ITPK1: variants seen among roughly 807,000 people sequenced by gnomAD.
ITPK1 encodes the protein inositol 1,3,4-trisphosphate 5/6-kinase.
ITPK1 carries 21 observed loss-of-function variants against 45.3 expected under a neutral mutation model. That is an observed-to-expected ratio of 0.46 (90% CI 0.33 to 0.67). ITPK1 has a LOEUF of 0.67. Ranked by LOEUF, ITPK1 falls within the 30% of genes least tolerant of loss-of-function variation. ITPK1 has a pLI of 0.02. For synonymous variants in ITPK1, 258 were observed against 253.6 expected (o/e 1.02, Z -0.16); for missense variants, 474 against 573.5 (o/e 0.83, Z 1.77).
In ITPK1 at chr14:93,068,448, G is replaced by C. The variant is rs573846450; in HGVS notation, c.120+8147C>G. 2.0e-5 allele frequency: 3 copies of C among 152,476 alleles called. No individual in the cohort carries two copies. The East Asian group carries it at 5.8e-4, about 29-fold the overall frequency. 9.4% of individuals were successfully genotyped at this position (152,476 alleles called of 1,614,324 possible). A position where few individuals can be genotyped will look rare whatever the true frequency, so the allele number is the denominator to read the frequency against. On this transcript the variant is annotated intron_variant, in intron 3 of 10. Transcript: ENST00000267615. ...TTCAGAAAGCCACTGCCCAGGATAT[G>C]GGTGGACCGCAAGTCTACCATGGGC...
At chr14:93,105,675 C>CCACCA (rs1892491967) in intron 2 of ITPK1, among the ~76,000 whole-genome samples, 1 of 151,378 alleles carries the variant, frequency 6.6e-6, no homozygotes, top group South Asian at 2.1e-4. Context: ...CAGGCACCCA[C>CCACCA]CACCACGCCT....
chr14:93,056,984 C>G (rs1890237366), intron 3 of ITPK1, among the ~76,000 whole-genome samples: 1 of 152,224 alleles, frequency 6.6e-6, no homozygotes, highest in African/African-American at 2.4e-5. Flanking sequence ...AAACTGGGTG[C>G]TGCTGGGAGA....
chr14:92,961,189 G>A (rs1166326874), intron 7 of ITPK1, among the ~76,000 whole-genome samples: 9 of 152,234 alleles, frequency 5.9e-5, no homozygotes, highest in Non-Finnish European at 1.2e-4. Flanking sequence ...CTGTTGCCCA[G>A]CATACCCCAA....
intron 5 of ITPK1, among the ~76,000 whole-genome samples, chr14:92,964,031 T>C (rs189017084): frequency 6.6e-6 from 1 of 152,296 alleles, no homozygotes; most frequent in African/African-American, 2.4e-5. Context: ...TAAATCAAGG[T>C]AGATCCAGCC....
chr14:92,960,811 G>C (rs777540110), intron 7 of ITPK1, among the ~76,000 whole-genome samples: 1 of 152,248 alleles, frequency 6.6e-6, no homozygotes, highest in Non-Finnish European at 1.5e-5. Context: ...GAGCCTTCCT[G>C]CTCCCTCCCT....
At chr14:93,018,541 A>G (rs534693068) in intron 3 of ITPK1, among the ~76,000 whole-genome samples, 73 of 152,284 alleles carry the variant, frequency 4.8e-4, no homozygotes, top group African/African-American at 1.7e-3. Flanking sequence ...TAGAAAAAAA[A>G]AATATCCTTT....
chr14:93,086,137 G>C (rs534914635), intron 2 of ITPK1, among the ~76,000 whole-genome samples: 1 of 152,208 alleles, frequency 6.6e-6, no homozygotes, highest in African/African-American at 2.4e-5. Context: ...AGAAATTCCC[G>C]TGACATTTCC....
In ITPK1 at chr14:93,082,907, G is replaced by A. The variant is rs116196576; in HGVS notation, c.96-6288C>T. Among the ~76,000 whole-genome samples, 563 of 152,302 alleles carry A rather than the reference G, an allele frequency of 3.7e-3. 4 individuals carry two copies. Among genetic ancestry groups the A allele is most frequent in the African/African-American group, 0.011 (462 of 41,568 alleles). ...GAGGGCAAATTCCCCGGCCAGACCC[G>A]GCCGCAGTGGGGCTCGTCCTCTCTA... On this transcript the variant is annotated intron_variant, in intron 2 of 10. Transcript: ENST00000267615.
intron 8 of ITPK1, among the ~76,000 whole-genome samples, chr14:92,956,070 C>T (rs1884705991): frequency 6.6e-6 from 1 of 151,710 alleles, no homozygotes; most frequent in East Asian, 1.9e-4. Context: ...ACAGAATAAA[C>T]ATTTCTCCTT....
In ITPK1 at chr14:92,946,523, T is replaced by C. The variant is rs754622948; in HGVS notation, c.739-30A>G. 12 of 1,607,568 alleles carry C rather than the reference T, an allele frequency of 7.5e-6. No individual in the cohort carries two copies. The South Asian group carries it at 7.7e-5, about 10-fold the overall frequency. Reference sequence around the variant, plus strand: ...CAACATACACAAGGAAGTCAGGCCATGGGCCGAGGAGCTGCGAAGCCACAC... The same window carrying C: ...CAACATACACAAGGAAGTCAGGCCACGGGCCGAGGAGCTGCGAAGCCACAC... On this transcript the variant is annotated intron_variant, in intron 9 of 10. Coordinates refer to ENST00000267615, the MANE Select transcript of ITPK1 (RefSeq NM_014216.6).
At chr14:92,945,615 G>A (rs1887646973) in intron 10 of ITPK1, among the ~76,000 whole-genome samples, 1 of 152,232 alleles carries the variant, frequency 6.6e-6, no homozygotes, top group African/African-American at 2.4e-5. Context: ...AGGTAAACAA[G>A]CCACTGAGCC....
At chr14:93,088,083 G>A (rs1290742671) in intron 2 of ITPK1, among the ~76,000 whole-genome samples, 1 of 152,292 alleles carries the variant, frequency 6.6e-6, no homozygotes, top group African/African-American at 2.4e-5. Context: ...TCGGCTACCC[G>A]AGAGACTCTC....
In ITPK1 at chr14:92,962,866, G is replaced by T. The variant is rs183824704; in HGVS notation, c.365-17C>A. On this transcript the variant is annotated splice_polypyrimidine_tract_variant and intron_variant, in intron 5 of 10. Transcript: ENST00000267615. ...TCCTGTCGTCTAGGGCAGAAGGGAG[G>T]CCTGGTCAGCACAGCTCCTGGGCAG... The T allele has an allele frequency of 1.3e-6, 2 of 1,584,458 alleles. No homozygotes were observed. The highest frequency in any genetic ancestry group is 1.7e-4 in the Middle Eastern group (1 of 5,968).
At chr14:92,966,546 T>TA (rs1885373440) in intron 5 of ITPK1, among the ~76,000 whole-genome samples, 1 of 152,192 alleles carries the variant, frequency 6.6e-6, no homozygotes, top group Non-Finnish European at 1.5e-5. Flanking sequence ...CTCAATATGA[T>TA]AGCCATCAAA....
At position 92,962,746 on chromosome 14, in the gene ITPK1, C is replaced by T. The variant is rs1885143295; in HGVS notation, c.463+5G>A. ...GCCCTCAGGTGGAGCTGGGATGGTACGCACTGAATGGGAAAGTCAAGCCGT... is the reference window on the plus strand; with the variant it reads ...GCCCTCAGGTGGAGCTGGGATGGTATGCACTGAATGGGAAAGTCAAGCCGT... On this transcript the variant is annotated splice_donor_5th_base_variant and intron_variant, in intron 6 of 10. Transcript: ENST00000267615. 3 of 1,605,782 alleles carry T rather than the reference C, an allele frequency of 1.9e-6. No individual in the cohort carries two copies. Among genetic ancestry groups the T allele is most frequent in the Non-Finnish European group, 1.7e-6 (2 of 1,172,480 alleles).
At chr14:92,976,607 C>G (rs575250810) in intron 5 of ITPK1, among the ~76,000 whole-genome samples, 1 of 152,356 alleles carries the variant, frequency 6.6e-6, no homozygotes, top group South Asian at 2.1e-4. Flanking sequence ...ACAGCATATG[C>G]AGGGCTTAAT....
In ITPK1 at chr14:93,014,741, AGCT is replaced by A. The variant is rs78601205; in HGVS notation, c.246+1932_246+1934del. Among the ~76,000 whole-genome samples, 9,577 of 152,314 alleles carry A rather than the reference AGCT, an allele frequency of 0.063. 446 individuals carry two copies. Among genetic ancestry groups the A allele is most frequent in the East Asian group, 0.23 (1,182 of 5,174 alleles). The stretch of plus-strand genomic sequence containing the variant: ...CTGGACCACTTTCTAGTTGTCCTGC[AGCT>A]GCTTCTTCCTCCACAGGACGGGAAT... On this transcript the variant is annotated intron_variant, in intron 4 of 10. Coordinates refer to ENST00000267615, the MANE Select transcript of ITPK1 (RefSeq NM_014216.6). The surrounding 1 kb of genome is among the most constrained non-coding windows in gnomAD (Gnocchi z 4.4).
chr14:92,982,035 C>A (rs990756629), intron 5 of ITPK1, among the ~76,000 whole-genome samples: 11 of 152,212 alleles, frequency 7.2e-5, no homozygotes, highest in African/African-American at 1.9e-4. Flanking sequence ...TGACAGGAGA[C>A]GCCACCCAGG....
chr14:93,100,295 C>T (rs1325254019), intron 2 of ITPK1, among the ~76,000 whole-genome samples: 1 of 152,164 alleles, frequency 6.6e-6, no homozygotes, highest in African/African-American at 2.4e-5. Context: ...TCTGCCCCTA[C>T]CAGCTGTGTG....
Sources: allele counts gnomAD v4.1 joint callset (sites outside exome capture counted in the v4.1 genomes callset), GRCh38; gene constraint gnomAD v4.1.1; non-coding constraint Gnocchi (gnomAD v3.1); transcripts MANE v1.5; gene names NCBI Gene and HGNC (gene_info 2026-07-23, HGNC 2026-07-21).